The following TLL2 variants were observed in gnomAD, a reference collection of about 807,000 sequenced individuals.
TLL2 encodes the protein tolloid like 2, also known as tolloid-like protein 2.
In TLL2, 106 loss-of-function variants were observed where a neutral mutation model predicts 123.0. The ratio of observed to expected loss-of-function variants is 0.86; its 90% confidence interval spans 0.74 to 1.01. The LOEUF is 1.01. Ranked by LOEUF, TLL2 falls within the 50% of genes least tolerant of loss-of-function variation. TLL2 has a pLI of 0.00. For synonymous variants in TLL2, 494 were observed against 516.8 expected, an observed-to-expected ratio of 0.96 and a Z score of 0.60; for missense variants, 1,332 against 1,336.7, an observed-to-expected ratio of 1.00 and a Z score of 0.06.
At position 96,397,194 on chromosome 10, in the gene TLL2, G is replaced by A. The variant is rs201650404; in HGVS notation, c.1376C>T (p.Ala459Val). ...TTTCACCTCGCACAAACCTTCGTAC[G>A]CTGCAAAGAAGCCCTTGCCCAAGAT... ...SNILGKGFFAAYEATCGGDMN... is the reference protein window; with the variant it reads ...SNILGKGFFAVYEATCGGDMN... The change falls in exon 11 of 21, where the codon GCG becomes GTG. Residue 459 changes from alanine to valine, a missense_variant. Physicochemically the swap from Ala to Val is moderately conservative, Grantham distance 64 (BLOSUM62 0). Coordinates refer to ENST00000357947, the MANE Select transcript of TLL2 (RefSeq NM_012465.4). 447 of 1,613,356 alleles carry A rather than the reference G, an allele frequency of 2.8e-4. 2 individuals carry two copies. Among genetic ancestry groups the A allele is most frequent in the Middle Eastern group, 3.3e-4 (2 of 6,058 alleles).
intron 3 of TLL2, among the ~76,000 whole-genome samples, chr10:96,436,600 A>C (rs1365029306): frequency 1.3e-5 from 2 of 152,190 alleles, no homozygotes; most frequent in Non-Finnish European, 2.9e-5. Flanking sequence ...ATTCCAGATA[A>C]ATTTTTCTTT....
chr10:96,458,564 GGGA>G, intron 2 of TLL2, among the ~76,000 whole-genome samples: 2 of 138,298 alleles, frequency 1.4e-5, no homozygotes, highest in African/African-American at 2.7e-5. Flanking sequence ...TCCAGCCTGG[GGGA>G]CAAGAGCGAG....
At chr10:96,480,593 T>G in intron 1 of TLL2, 134 bp from the exon 2 acceptor site, 1 of 702,520 alleles carries the variant, frequency 1.4e-6, no homozygotes, top group Non-Finnish European at 2.5e-6. Context: ...AATTTCTCCT[T>G]GAGCCTAAGA....
chr10:96,409,171 A>G (rs1393239539), intron 9 of TLL2, among the ~76,000 whole-genome samples: 2 of 152,248 alleles, frequency 1.3e-5, no homozygotes, highest in African/African-American at 4.8e-5. Context: ...TTTTTCACTC[A>G]GCCCCTCATC....
rs1309081176 is a variant in TLL2 at position 96,370,127 on chromosome 10, T to C, written c.2851A>G (p.Met951Val). 1.3e-5 allele frequency: 21 copies of C among 1,613,774 alleles called. No individual in the cohort carries two copies. Among genetic ancestry groups the C allele is most frequent in the Non-Finnish European group, 1.6e-5 (19 of 1,179,916 alleles). Residue 951 changes from methionine (M) to valine (V), a missense_variant, in exon 20 of 21, where the codon ATG (methionine) becomes GTG (valine). By Grantham distance (21) the Met-to-Val change is conservative. Transcript: ENST00000357947. The part of the protein sequence containing the change: ...EEEADCGYDY[M>V]EAYDGYDSSA... Reference sequence around the variant, plus strand: ...CTGTCGTAGCCGTCGTAGGCTTCCATGTAGTCGTAGCCGCAGTCGGCCTCC... The same window carrying C: ...CTGTCGTAGCCGTCGTAGGCTTCCACGTAGTCGTAGCCGCAGTCGGCCTCC...
At chr10:96,420,580 A>C (rs2134074980) in intron 7 of TLL2, among the ~76,000 whole-genome samples, 1 of 152,188 alleles carries the variant, frequency 6.6e-6, no homozygotes, top group South Asian at 2.1e-4. Flanking sequence ...TTTCCAATAA[A>C]CCAAACCTCT....
chr10:96,489,935 A>C (rs996763972), intron 1 of TLL2, among the ~76,000 whole-genome samples: 6 of 152,044 alleles, frequency 3.9e-5, no homozygotes, highest in Admixed American at 1.3e-4. Flanking sequence ...GTCTCTACTA[A>C]AAATACAAAA....
intron 4 of TLL2, among the ~76,000 whole-genome samples, chr10:96,431,051 G>C (rs1248175428): frequency 6.6e-6 from 1 of 152,036 alleles, no homozygotes; most frequent in Non-Finnish European, 1.5e-5. Context: ...TGAAATACTT[G>C]TGTCAACAAA....
At chr10:96,482,527 G>A (rs1005207666) in intron 1 of TLL2, among the ~76,000 whole-genome samples, 1 of 152,210 alleles carries the variant, frequency 6.6e-6, no homozygotes, top group African/African-American at 2.4e-5. Context: ...AGGCTCCAAC[G>A]TGTATGAATC....
At chr10:96,437,966 C>T (rs1846813177) in intron 3 of TLL2, among the ~76,000 whole-genome samples, 1 of 152,168 alleles carries the variant, frequency 6.6e-6, no homozygotes, top group Admixed American at 6.5e-5. Flanking sequence ...GTTCTCTATT[C>T]CATTGGTCTA....
At chr10:96,404,123 G>A in intron 10 of TLL2, among the ~76,000 whole-genome samples, 2 of 152,180 alleles carry the variant, frequency 1.3e-5, no homozygotes, top group Non-Finnish European at 2.9e-5. Context: ...CGGTGCCGAT[G>A]CAGGTCCTTG....
intron 3 of TLL2, among the ~76,000 whole-genome samples, chr10:96,442,366 T>C (rs1180446569): frequency 6.6e-6 from 1 of 152,198 alleles, no homozygotes; most frequent in African/African-American, 2.4e-5. Context: ...GAACCTGAGA[T>C]TGACACAACG....
chr10:96,461,788 A>G (rs1238647124), intron 2 of TLL2, among the ~76,000 whole-genome samples: 1 of 152,190 alleles, frequency 6.6e-6, no homozygotes, highest in Non-Finnish European at 1.5e-5. Context: ...AAGCTTCCAT[A>G]GGGCACCTCT....
rs766020453 is a variant in TLL2, at chr10:96,384,669, G to T, written c.2112C>A (p.Thr704=). Residue 704 remains threonine, a synonymous_variant, in exon 16 of 21, where the codon ACC becomes ACA. Transcript: ENST00000357947. ...CCACGCGCATGTTGTTGCTCTGCGA[G>T]GTGATGACCTCCGGCGTCTCAGAGC... ...FCGSETPEVI[T]SQSNNMRVEF... The T allele has an allele frequency of 5.0e-6, 8 of 1,613,050 alleles. No homozygotes were observed. The highest frequency in any genetic ancestry group is 5.9e-6 in the Non-Finnish European group (7 of 1,179,450).
At chr10:96,495,265 C>T (rs1284284214) in intron 1 of TLL2, among the ~76,000 whole-genome samples, 3 of 152,038 alleles carry the variant, frequency 2.0e-5, no homozygotes, top group East Asian at 3.9e-4. Flanking sequence ...AGGCGGGGAG[C>T]GTTACAGGGA....
At chr10:96,473,284 GTC>G (rs1847202875) in intron 2 of TLL2, among the ~76,000 whole-genome samples, 1 of 152,058 alleles carries the variant, frequency 6.6e-6, no homozygotes, top group Non-Finnish European at 1.5e-5. Context: ...GTGAAACCCT[GTC>G]TCTACTAAAA....
At chr10:96,474,113 C>T (rs528801499) in intron 2 of TLL2, among the ~76,000 whole-genome samples, 68 of 152,258 alleles carry the variant, frequency 4.5e-4, no homozygotes, top group African/African-American at 1.4e-3. Context: ...CATAGAACAG[C>T]GTGGCCAATG....
At chr10:96,506,271 A>AAAAAAAAAAAG (rs1564921537) in intron 1 of TLL2, among the ~76,000 whole-genome samples, 5 of 150,122 alleles carry the variant, frequency 3.3e-5, no homozygotes, top group Non-Finnish European at 5.9e-5. Context: ...AAAAAGAAAA[A>AAAAAAAAAAAG]AAAAAAAGAA....
In TLL2 at chr10:96,370,299, C is replaced by T. The variant is rs1846069726; in HGVS notation, c.2679G>A (p.Leu893=). The T allele has an allele frequency of 2.5e-6, 4 of 1,588,128 alleles. No individual in the cohort carries two copies. The highest frequency in any genetic ancestry group is 3.4e-6 in the Non-Finnish European group (4 of 1,165,736). ...AVHSTECGGR[L]KAEVQTKELY... ...GCTCTTTGGTCTGCACTTCAGCCTT[C>T]AGCCTGCCCCCGCACTCTGGAGCAG... Residue 893 remains leucine, a synonymous_variant, in exon 20 of 21, where the codon CTG becomes CTA. Transcript: ENST00000357947.
Sources: allele counts gnomAD v4.1 joint callset (sites outside exome capture counted in the v4.1 genomes callset), GRCh38; gene constraint gnomAD v4.1.1; transcripts MANE v1.5; gene names NCBI Gene and HGNC (gene_info 2026-07-23, HGNC 2026-07-21).